The following ALDH1A2 variants were observed in gnomAD, a reference collection of about 807,000 sequenced individuals.
ALDH1A2 encodes retinal dehydrogenase 2.
ALDH1A2 carries 27 observed loss-of-function variants against 60.3 expected under a neutral mutation model. The observed-to-expected ratio is 0.45, with a 90% confidence interval of 0.33 to 0.62. The LOEUF (loss-of-function observed/expected upper bound fraction) is 0.62. ALDH1A2 is among the 20% of genes least tolerant of loss of function. The pLI is 0.02. For synonymous variants in ALDH1A2, 289 were observed against 232.4 expected, an observed-to-expected ratio of 1.24 and a Z score of -2.21; for missense variants, 581 against 643.8, an observed-to-expected ratio of 0.90 and a Z score of 1.06.
At chr15:58,023,202 G>A (rs568352421) in intron 1 of ALDH1A2, among the ~76,000 whole-genome samples, 8 of 152,226 alleles carry the variant, frequency 5.3e-5, no homozygotes, top group African/African-American at 1.9e-4. Context: ...GGAAAAAAAT[G>A]CATTTAAAAT....
At chr15:57,970,533 A>G (rs572145472) in intron 7 of ALDH1A2, among the ~76,000 whole-genome samples, 2 of 152,308 alleles carry the variant, frequency 1.3e-5, no homozygotes, top group African/African-American at 4.8e-5. Context: ...GGGGCTTTGC[A>G]AGAAAAATAA....
chr15:57,974,894 G>T (rs74017089), intron 7 of ALDH1A2, among the ~76,000 whole-genome samples: 1 of 152,142 alleles, frequency 6.6e-6, no homozygotes. Context: ...AACAAACAAC[G>T]CTTGTCTCCA....
chr15:57,954,867 T>C lies in ALDH1A2; in HGVS notation c.*330A>G. The C allele has an allele frequency of 2.8e-6, 1 of 362,188 alleles. No homozygotes were observed. The highest frequency in any genetic ancestry group is 5.2e-6 in the Non-Finnish European group (1 of 191,360). 22.4% of individuals were successfully genotyped at this position (362,188 alleles called of 1,614,324 possible). A position where few individuals can be genotyped will look rare whatever the true frequency, so the allele number is the denominator to read the frequency against. On this transcript the variant is annotated 3_prime_UTR_variant, in exon 13 of 13. Coordinates refer to ENST00000249750, the MANE Select transcript of ALDH1A2 (RefSeq NM_003888.4). ...CACCTTTCCTTGAGAGGAAAGTTCT[T>C]TGTGACAAAGACATGAAATAATACA...
In ALDH1A2 at chr15:58,013,997, G is replaced by C. The variant is rs560518650; in HGVS notation, c.224C>G (p.Ala75Gly). The change falls in exon 3 of 13, where the codon GCA becomes GGA. Residue 75 changes from alanine (A) to glycine (G), a missense_variant and splice_region_variant. Coordinates refer to ENST00000249750, the MANE Select transcript of ALDH1A2 (RefSeq NM_003888.4). ...QVCEVQEADK[A>G]DIDKAVQAAR... ...TGCCTGCACTGCTTTGTCTATATCT[G>C]CCTGTTAGAGAGGAAGAGGCACAAC... The C allele has an allele frequency of 6.2e-7, 1 of 1,614,064 alleles. No homozygotes were observed. The highest frequency in any genetic ancestry group is 8.5e-7 in the Non-Finnish European group (1 of 1,179,988).
chr15:57,961,087 G>GGTCCCTATACCACCAGT lies in ALDH1A2; in HGVS notation c.1409+33_1409+49dup, dbSNP rs745548601. ...AGGAGATACTTGTTTATTTCACCCTGGTCCCTATACCACCAGTGGAATTTG... is the reference window on the plus strand; with the variant it reads ...AGGAGATACTTGTTTATTTCACCCTGGTCCCTATACCACCAGTGTCCCTATACCACCAGTGGAATTTG... On this transcript the variant is annotated intron_variant, in intron 11 of 12. Transcript: ENST00000249750. 21 of 1,605,448 alleles carry GGTCCCTATACCACCAGT rather than the reference G, an allele frequency of 1.3e-5. No homozygotes were observed. In the African/African-American group the frequency reaches 2.8e-4, roughly 21 times the overall value.
At chr15:58,007,894 A>G (rs1277277013) in intron 4 of ALDH1A2, among the ~76,000 whole-genome samples, 1 of 152,036 alleles carries the variant, frequency 6.6e-6, no homozygotes. Context: ...TTACTGAACA[A>G]ATTTGAGAAC....
intron 1 of ALDH1A2, among the ~76,000 whole-genome samples, chr15:58,053,020 T>C (rs1352669093): frequency 6.6e-6 from 1 of 152,176 alleles, no homozygotes; most frequent in Non-Finnish European, 1.5e-5. Flanking sequence ...GATGTATTCA[T>C]TTATTCATTC....
At chr15:58,064,000 T>C (rs370845349) in intron 1 of ALDH1A2, among the ~76,000 whole-genome samples, 3 of 152,144 alleles carry the variant, frequency 2.0e-5, no homozygotes, top group South Asian at 2.1e-4. Flanking sequence ...AACGTACCTA[T>C]TGCATACCTA....
intron 7 of ALDH1A2, among the ~76,000 whole-genome samples, chr15:57,991,211 CATCTT>C: frequency 1.3e-5 from 2 of 152,134 alleles, no homozygotes; most frequent in Admixed American, 1.3e-4. Context: ...AAATTGATTG[CATCTT>C]TAGTTTTTCT....
chr15:58,000,788 G>C (rs1170029488), intron 4 of ALDH1A2, among the ~76,000 whole-genome samples: 1 of 151,740 alleles, frequency 6.6e-6, no homozygotes, highest in African/African-American at 2.4e-5. Context: ...GATGGGACCA[G>C]AGAGTCTGCA....
At chr15:58,034,918 T>C (rs990426780) in intron 1 of ALDH1A2, among the ~76,000 whole-genome samples, 8 of 151,670 alleles carry the variant, frequency 5.3e-5, no homozygotes, top group Admixed American at 6.6e-5. Flanking sequence ...TGAGAGGTAA[T>C]AGTTTGTAGT....
intron 7 of ALDH1A2, among the ~76,000 whole-genome samples, chr15:57,981,105 C>G (rs1353380727): frequency 1.3e-5 from 2 of 152,104 alleles, no homozygotes; most frequent in Non-Finnish European, 2.9e-5. Context: ...ATTCTTTTCT[C>G]TTTTTCTCTT....
intron 7 of ALDH1A2, among the ~76,000 whole-genome samples, chr15:57,984,085 G>A (rs374333430): frequency 9.2e-5 from 14 of 152,166 alleles, no homozygotes; most frequent in South Asian, 2.1e-4. Context: ...TCCCCTATGG[G>A]AGGGTGTATA....
chr15:57,964,232 C>A, intron 8 of ALDH1A2, 163 bp from the exon 9 acceptor site: 1 of 672,210 alleles, frequency 1.5e-6, no homozygotes, highest in Non-Finnish European at 2.5e-6. Flanking sequence ...TAACTACACC[C>A]TGACATGCTA....
At chr15:58,037,851 G>A (rs1276016778) in intron 1 of ALDH1A2, among the ~76,000 whole-genome samples, 3 of 151,628 alleles carry the variant, frequency 2.0e-5, no homozygotes, top group African/African-American at 7.3e-5. Flanking sequence ...GATCCACCTA[G>A]ACAATGTATA....
At chr15:58,055,924 A>G (rs1262372760) in intron 1 of ALDH1A2, among the ~76,000 whole-genome samples, 1 of 152,058 alleles carries the variant, frequency 6.6e-6, no homozygotes, top group African/African-American at 2.4e-5. Context: ...TTCTTTTTAA[A>G]TTATTTGCTA....
chr15:58,021,795 A>C (rs1486815113), intron 1 of ALDH1A2, among the ~76,000 whole-genome samples: 1 of 152,250 alleles, frequency 6.6e-6, no homozygotes, highest in Non-Finnish European at 1.5e-5. Context: ...CTAAGAAGCC[A>C]GTGAGACATG....
intron 7 of ALDH1A2, among the ~76,000 whole-genome samples, chr15:57,989,995 G>A (rs1450742330): frequency 4.4e-5 from 2 of 45,380 alleles, no homozygotes; most frequent in African/African-American, 1.4e-4. Context: ...GCGAGACTCC[G>A]TCTCAAAAAA....
chr15:57,990,411 T>A (rs1894854107), intron 7 of ALDH1A2: 1 of 152,076 alleles, frequency 6.6e-6, no homozygotes, highest in African/African-American at 2.4e-5. Context: ...ATAGGAAAAA[T>A]TAGTGGAAAA....
Sources: gnomAD v4.1 joint callset for allele counts (sites outside exome capture counted in the v4.1 genomes callset) on GRCh38, gnomAD v4.1.1 for gene constraint, MANE v1.5 for transcripts, NCBI Gene and HGNC (gene_info 2026-07-23, HGNC 2026-07-21) for gene names.